The following LRRC27 variants were observed in gnomAD, a reference collection of about 807,000 sequenced individuals.
The protein encoded by LRRC27 is leucine rich repeat containing 27, also known as leucine-rich repeat-containing protein 27.
In LRRC27, 57 loss-of-function variants were observed where a neutral mutation model predicts 55.0. That is an observed-to-expected ratio of 1.04 (90% CI 0.84 to 1.29). The LOEUF (loss-of-function observed/expected upper bound fraction) is 1.29. Ranked by LOEUF, LRRC27 falls within the 50% of genes most tolerant of loss-of-function variation. The pLI is 0.00. For missense variants in LRRC27, 721 were observed against 651.5 expected, an observed-to-expected ratio of 1.11 and a Z score of -1.16; for synonymous variants, 278 against 251.9, an observed-to-expected ratio of 1.10 and a Z score of -0.98.
intron 1 of LRRC27, 140 bp from the exon 2 acceptor site, chr10:132,333,337 A>G (rs2066921269): frequency 7.3e-6 from 3 of 412,152 alleles, no homozygotes; most frequent in Non-Finnish European, 1.3e-5. Context: ...TTACATGTTT[A>G]AAAGTCAAAT....
At position 132,344,602 on chromosome 10, in the gene LRRC27, C is replaced by T. The variant is rs533190111; in HGVS notation, c.505C>T (p.Arg169Trp). Residue 169 changes from arginine to tryptophan, a missense_variant, in exon 5 of 11, where the codon CGG becomes TGG. Physicochemically the swap from Arg to Trp is moderately radical, Grantham distance 101. Transcript: ENST00000368614. ...ATTGGTGGCTATCCAGCGCTTCCTG[C>T]GGATGTGGGCAGTAGAACACTCTCT... Reference protein sequence around the residue: ...KGLVAIQRFLRMWAVEHSLPR... With the variant: ...KGLVAIQRFLWMWAVEHSLPR... The T allele has an allele frequency of 3.9e-5, 63 of 1,614,150 alleles. No individual in the cohort carries two copies. Among genetic ancestry groups the T allele is most frequent in the Admixed American group, 1.8e-4 (11 of 60,026 alleles).
chr10:132,375,020 G>A lies in LRRC27; in HGVS notation c.1417-46G>A, dbSNP rs371398070. On this transcript the variant is annotated intron_variant, in intron 10 of 10. Transcript: ENST00000368614. ...AGCCAGAGACGTGGTGACGCCCTAAGTCCTGCCAGCCTTTCTAACATCTCC... is the reference window on the plus strand; with the variant it reads ...AGCCAGAGACGTGGTGACGCCCTAAATCCTGCCAGCCTTTCTAACATCTCC... 1.8e-5 allele frequency: 28 copies of A among 1,571,360 alleles called. No individual in the cohort carries two copies. The African/African-American group carries it at 3.2e-4, about 18-fold the overall frequency.
intron 10 of LRRC27, 116 bp downstream of exon 10, chr10:132,365,666 A>G (rs2069044786): frequency 9.2e-6 from 12 of 1,308,854 alleles, no homozygotes; most frequent in Non-Finnish European, 1.1e-5. Flanking sequence ...CGGTGGCACA[A>G]TCTCGGCTCC....
At chr10:132,357,860 C>T (rs891334455) in intron 8 of LRRC27, among the ~76,000 whole-genome samples, 11 of 152,212 alleles carry the variant, frequency 7.2e-5, no homozygotes, top group African/African-American at 1.9e-4. Flanking sequence ...CACGGGAGCG[C>T]GCACCTAGTG....
At chr10:132,341,990 C>T (rs2067437355) in intron 3 of LRRC27, among the ~76,000 whole-genome samples, 2 of 152,210 alleles carry the variant, frequency 1.3e-5, no homozygotes, top group Non-Finnish European at 2.9e-5. Flanking sequence ...GGGACACCAC[C>T]ACCCCTATGG....
intron 10 of LRRC27, chr10:132,366,293 A>G (rs1300638410): frequency 2.6e-5 from 4 of 152,780 alleles, no homozygotes; most frequent in Non-Finnish European, 4.4e-5. Flanking sequence ...CTCGGTGTCT[A>G]TGTAGGGAGG....
At chr10:132,339,111 G>A (rs1007625281) in intron 3 of LRRC27, among the ~76,000 whole-genome samples, 1 of 152,170 alleles carries the variant, frequency 6.6e-6, no homozygotes, top group Non-Finnish European at 1.5e-5. Flanking sequence ...GGCTGGCCAC[G>A]GCAGGGCCTG....
At chr10:132,352,818 C>G (rs1322888293) in intron 7 of LRRC27, 4 of 1,578,520 alleles carry the variant, frequency 2.5e-6, no homozygotes, top group Non-Finnish European at 2.6e-6. Context: ...CGTCTTTGCC[C>G]TGGCTTCCTC....
intron 5 of LRRC27, among the ~76,000 whole-genome samples, chr10:132,346,857 G>A (rs988515563): frequency 6.6e-6 from 1 of 152,160 alleles, no homozygotes; most frequent in Non-Finnish European, 1.5e-5. Flanking sequence ...TTTGAAGCAT[G>A]TTTGCCCATT....
At chr10:132,347,228 C>G (rs1197948328) in intron 5 of LRRC27, among the ~76,000 whole-genome samples, 1 of 152,238 alleles carries the variant, frequency 6.6e-6, no homozygotes, top group African/African-American at 2.4e-5. Flanking sequence ...TGTACACATG[C>G]AAAAAGTCCC....
At chr10:132,357,760 G>C (rs1479825393) in intron 8 of LRRC27, among the ~76,000 whole-genome samples, 2 of 152,218 alleles carry the variant, frequency 1.3e-5, no homozygotes, top group Non-Finnish European at 2.9e-5. Flanking sequence ...AGGTTTTCTA[G>C]AAACTCATCT....
At chr10:132,345,427 T>C (rs2698781) in intron 5 of LRRC27, among the ~76,000 whole-genome samples, 43,846 of 152,000 alleles carry the variant, frequency 0.29, 6,969 homozygotes, top group African/African-American at 0.4. Flanking sequence ...TTGACCCAGA[T>C]GGACTCTATT....
intron 9 of LRRC27, among the ~76,000 whole-genome samples, chr10:132,364,930 C>T (rs549306272): frequency 7.5e-6 from 1 of 132,872 alleles, no homozygotes; most frequent in Non-Finnish European, 1.7e-5. Context: ...TTCTACCACC[C>T]TGAGTCATTG....
chr10:132,337,424 A>C, intron 2 of LRRC27, 141 bp from the exon 3 acceptor site: 1 of 1,432,484 alleles, frequency 7.0e-7, no homozygotes, highest in Non-Finnish European at 9.1e-7. Context: ...TTTTAAGGGT[A>C]AGAGATTGGG....
Position 132,375,296 on chromosome 10 carries a change from C to G in LRRC27, c.*54C>G, listed in dbSNP as rs1015503781. 8.5e-6 allele frequency: 13 copies of G among 1,533,802 alleles called. No homozygotes were observed. Among genetic ancestry groups the G allele is most frequent in the Non-Finnish European group, 9.7e-6 (11 of 1,131,044 alleles). Reference sequence around the variant, plus strand: ...CTTCAGACAGGAGCCGCTCAGTCTTCTTTCCCGGGCGTCGCCTCCTGTGTG... The same window carrying G: ...CTTCAGACAGGAGCCGCTCAGTCTTGTTTCCCGGGCGTCGCCTCCTGTGTG... On this transcript the variant is annotated 3_prime_UTR_variant, in exon 11 of 11. Coordinates refer to ENST00000368614, the MANE Select transcript of LRRC27 (RefSeq NM_030626.3).
chr10:132,377,501 A>C lies in LRRC27; in HGVS notation c.*2259A>C, dbSNP rs4443996. The C allele has an allele frequency of 0.53, 81,077 of 151,976 alleles. 23,982 individuals carry two copies. The highest frequency in any genetic ancestry group is 0.79 in the African/African-American group (32,610 of 41,438). The allele number at this position is 151,976 out of a possible 1,614,324, so 9.4% of individuals were successfully genotyped here. A position where few individuals can be genotyped will look rare whatever the true frequency, so the allele number is the denominator to read the frequency against. ...CCCTCCCATCTGCCAGTTCCCTGCC[A>C]TTGATGCTGTTGCTCTCGTCCGCCT... On this transcript the variant is annotated 3_prime_UTR_variant, in exon 11 of 11. Transcript: ENST00000368614.
intron 8 of LRRC27, among the ~76,000 whole-genome samples, chr10:132,360,104 G>A (rs2068541953): frequency 6.6e-6 from 1 of 151,954 alleles, no homozygotes; most frequent in Admixed American, 6.6e-5. Flanking sequence ...ACACCCACTG[G>A]ATTTAGCATT....
rs963857122 is a variant in LRRC27 at position 132,374,895 on chromosome 10, T to C, written c.1417-171T>C. On this transcript the variant is annotated intron_variant, in intron 10 of 10. Coordinates refer to ENST00000368614, the MANE Select transcript of LRRC27 (RefSeq NM_030626.3). The surrounding 1 kb of genome is among the most constrained non-coding windows in gnomAD (Gnocchi z 4.4). ...GCTGGAAGTAGGCTGCTGGGCCCCA[T>C]TGCAGGGGGGACCGCGCCGTGATGC... is the stretch of plus-strand genomic sequence containing the variant. Among the ~76,000 whole-genome samples, 23 of 152,296 alleles carry C rather than the reference T, an allele frequency of 1.5e-4. No individual in the cohort carries two copies. Among genetic ancestry groups the C allele is most frequent in the Admixed American group, 5.2e-4 (8 of 15,306 alleles).
upstream of LRRC27, chr10:132,331,908 G>C (rs1482220444): frequency 2.4e-6 from 2 of 841,056 alleles, no homozygotes; most frequent in Admixed American, 3.2e-5. Context: ...CCGCGCAGGC[G>C]CACCACAACC....
Sources: allele counts gnomAD v4.1 joint callset (sites outside exome capture counted in the v4.1 genomes callset), GRCh38; gene constraint gnomAD v4.1.1; non-coding constraint Gnocchi (gnomAD v3.1); transcripts MANE v1.5; gene names NCBI Gene and HGNC (gene_info 2026-07-23, HGNC 2026-07-21).